WWOX: variants seen among roughly 807,000 people sequenced by gnomAD.
WWOX encodes WW domain containing oxidoreductase.
In WWOX, 69 loss-of-function variants were observed where a neutral mutation model predicts 46.2. That is an observed-to-expected ratio of 1.49 (90% CI 1.23 to 1.82). WWOX has a LOEUF of 1.82. Among genes scored for constraint, WWOX ranks in the 40% most tolerant of loss-of-function variants. The probability of loss-of-function intolerance (pLI) is 0.00; values close to 1 mark genes in which losing one functional copy is unlikely to be tolerated. For missense variants in WWOX, 919 were observed against 542.6 expected, an observed-to-expected ratio of 1.69 and a Z score of -6.89; for synonymous variants, 359 against 202.6, an observed-to-expected ratio of 1.77 and a Z score of -6.56.
intron 8 of WWOX, among the ~76,000 whole-genome samples, chr16:79,149,332 T>A (rs1268628487): frequency 6.6e-6 from 1 of 152,242 alleles, no homozygotes; most frequent in African/African-American, 2.4e-5. Flanking sequence ...TATGGTGGAC[T>A]ATATTGATTT....
chr16:79,139,070 C>G (rs1003148068), intron 8 of WWOX, among the ~76,000 whole-genome samples: 8 of 152,198 alleles, frequency 5.3e-5, no homozygotes, highest in African/African-American at 1.9e-4. Flanking sequence ...TCAGCGTTCA[C>G]ACATGGTTCC....
intron 8 of WWOX, among the ~76,000 whole-genome samples, chr16:78,670,848 A>G (rs1169066645): frequency 2.0e-5 from 3 of 151,932 alleles, no homozygotes; most frequent in African/African-American, 4.8e-5. Context: ...TGAAATAAAG[A>G]TAGAGATGTG....
At chr16:78,999,828 A>C (rs1330424022) in intron 8 of WWOX, among the ~76,000 whole-genome samples, 4 of 152,190 alleles carry the variant, frequency 2.6e-5, no homozygotes, top group African/African-American at 9.7e-5. Context: ...ATATGCGTGT[A>C]AGAAATTGGC....
At chr16:78,921,559 C>A (rs1057025317) in intron 8 of WWOX, among the ~76,000 whole-genome samples, 1 of 152,202 alleles carries the variant, frequency 6.6e-6, no homozygotes, top group East Asian at 1.9e-4. Context: ...GTCATTGGGA[C>A]TGAGCAGCTT....
intron 6 of WWOX, among the ~76,000 whole-genome samples, chr16:78,402,057 G>A (rs1473287932): frequency 6.6e-6 from 1 of 152,164 alleles, no homozygotes; most frequent in Non-Finnish European, 1.5e-5. Flanking sequence ...ACAAAGTTAC[G>A]TTACCATTAC....
At chr16:78,152,512 C>G (rs1368147665) in intron 4 of WWOX, among the ~76,000 whole-genome samples, 1 of 152,172 alleles carries the variant, frequency 6.6e-6, no homozygotes, top group South Asian at 2.1e-4. Flanking sequence ...CCCCATCCCT[C>G]ATTAATCTAT....
At chr16:78,414,135 C>A (rs917215663) in intron 6 of WWOX, among the ~76,000 whole-genome samples, 2 of 151,838 alleles carry the variant, frequency 1.3e-5, no homozygotes, top group African/African-American at 4.8e-5. Context: ...ACCTTGTGAC[C>A]CCCGCCCCTG....
intron 6 of WWOX, among the ~76,000 whole-genome samples, chr16:78,405,528 G>A (rs989022719): frequency 2.4e-4 from 36 of 152,064 alleles, no homozygotes; most frequent in Non-Finnish European, 5.9e-5. Context: ...CTCTTTCCTT[G>A]AATATTTATT....
chr16:79,013,512 C>T (rs1567484673), intron 8 of WWOX, among the ~76,000 whole-genome samples: 1 of 152,186 alleles, frequency 6.6e-6, no homozygotes, highest in African/African-American at 2.4e-5. Context: ...TCACTCAAAG[C>T]TCAGGCGTGT....
chr16:78,138,334 CAT>C (rs1300970914), intron 4 of WWOX, among the ~76,000 whole-genome samples: 1 of 150,784 alleles, frequency 6.6e-6, no homozygotes, highest in African/African-American at 2.4e-5. Context: ...ATATTTAAAA[CAT>C]GTAACTGATT....
chr16:78,441,959 A>AGTGTGTGTGTGT (rs145693201), intron 8 of WWOX, among the ~76,000 whole-genome samples: 1 of 139,692 alleles, frequency 7.2e-6, no homozygotes, highest in Non-Finnish European at 1.6e-5. Context: ...TATGCGCATG[A>AGTGTGTGTGTGT]GTGTGTGTGT....
At chr16:78,213,917 G>C (rs752623467) in intron 5 of WWOX, among the ~76,000 whole-genome samples, 5 of 152,100 alleles carry the variant, frequency 3.3e-5, no homozygotes, top group Non-Finnish European at 7.4e-5. Flanking sequence ...CTCCAGACCT[G>C]TCCGGGGTGT....
intron 8 of WWOX, among the ~76,000 whole-genome samples, chr16:78,802,557 A>G (rs1189632262): frequency 6.6e-6 from 1 of 152,152 alleles, no homozygotes; most frequent in Non-Finnish European, 1.5e-5. Context: ...CTTAGTCACT[A>G]GTTTTGTCCT....
In WWOX at chr16:79,112,585, A is replaced by G. The variant is rs546286364; in HGVS notation, c.1057-99023A>G. On this transcript the variant is annotated intron_variant, in intron 8 of 8. Transcript: ENST00000566780. The stretch of plus-strand genomic sequence containing the variant: ...ACACCAGCTTTTCACTGATGCAGAT[A>G]TTTCTGATCTTTTCATCTCGGTTTT... Among the ~76,000 whole-genome samples the G allele has an allele frequency of 2.6e-5, 4 of 152,252 alleles. No individual in the cohort carries two copies. In the East Asian group the frequency reaches 7.7e-4, roughly 29 times the overall value.
At chr16:79,120,440 C>G (rs2049605905) in intron 8 of WWOX, among the ~76,000 whole-genome samples, 1 of 152,326 alleles carries the variant, frequency 6.6e-6, no homozygotes, top group East Asian at 1.9e-4. Context: ...TTAGGCGCCC[C>G]TCCTGCCAAG....
At chr16:79,040,405 G>A (rs1482075500) in intron 8 of WWOX, among the ~76,000 whole-genome samples, 1 of 151,512 alleles carries the variant, frequency 6.6e-6, no homozygotes, top group South Asian at 2.1e-4. Flanking sequence ...CTCATGAGCA[G>A]CTGGGACCAC....
At chr16:78,627,151 G>A (rs541939189) in intron 8 of WWOX, among the ~76,000 whole-genome samples, 1 of 152,096 alleles carries the variant, frequency 6.6e-6, no homozygotes, top group African/African-American at 2.4e-5. Flanking sequence ...GCAGTAGGCA[G>A]TGTGGGTGAG....
chr16:78,962,890 C>T (rs562942349), intron 8 of WWOX, among the ~76,000 whole-genome samples: 1 of 152,146 alleles, frequency 6.6e-6, no homozygotes, highest in South Asian at 2.1e-4. Context: ...AATAGTCACC[C>T]AGTACGCATT....
intron 8 of WWOX, among the ~76,000 whole-genome samples, chr16:78,919,649 C>A (rs949114883): frequency 6.6e-6 from 1 of 151,672 alleles, no homozygotes; most frequent in Non-Finnish European, 1.5e-5. Context: ...TCCCGAATAG[C>A]TGGGATTACA....
Sources: gnomAD v4.1 joint callset for allele counts (sites outside exome capture counted in the v4.1 genomes callset) on GRCh38, gnomAD v4.1.1 for gene constraint, MANE v1.5 for transcripts, NCBI Gene and HGNC (gene_info 2026-07-23, HGNC 2026-07-21) for gene names.